S100A16: variants seen among roughly 807,000 people sequenced by gnomAD.
The protein encoded by S100A16 is S100 calcium binding protein A16.
Under a neutral mutation model 9.0 loss-of-function variants are expected in S100A16, and 8 were observed. The ratio of observed to expected loss-of-function variants is 0.89; its 90% CI spans 0.52 to 1.60. The LOEUF is 1.60. Among genes scored for constraint, S100A16 ranks in the 40% most tolerant of loss-of-function variants. The pLI is 0.00. For synonymous variants in S100A16, 51 were observed against 51.4 expected (o/e 0.99, Z 0.04); for missense variants, 138 against 132.4 (o/e 1.04, Z -0.21).
intron 1 of S100A16, chr1:153,608,951 A>G (rs1166757925): frequency 2.0e-6 from 2 of 985,716 alleles, no homozygotes; most frequent in Non-Finnish European, 2.4e-6. Flanking sequence ...GACTCTGGAC[A>G]CAGCAGCAGA....
intron 1 of S100A16, among the ~76,000 whole-genome samples, chr1:153,609,520 T>G (rs1244217663): frequency 6.6e-6 from 1 of 152,200 alleles, no homozygotes; most frequent in East Asian, 1.9e-4. Context: ...CACTAACTGG[T>G]GAGGCCACGG....
At chr1:153,608,225 ACCT>A (rs1666746714) in intron 1 of S100A16, 48 bp from the exon 2 acceptor site, 40 of 1,533,218 alleles carry the variant, frequency 2.6e-5, no homozygotes, top group African/African-American at 4.1e-5. Context: ...CACAGGCCAT[ACCT>A]CCTCCTCCTC....
intron 2 of S100A16, 31 bp from the exon 3 acceptor site, chr1:153,607,723 T>C (rs2101508226): frequency 1.9e-6 from 3 of 1,613,710 alleles, no homozygotes; most frequent in Non-Finnish European, 1.7e-6. Flanking sequence ...GCAATGCTGA[T>C]GGTGGAAGCC....
At chr1:153,607,897 G>C in intron 2 of S100A16, 102 bp downstream of exon 2, 1 of 1,305,282 alleles carries the variant, frequency 7.7e-7, no homozygotes, top group Non-Finnish European at 1.1e-6. Context: ...GGGGACACTG[G>C]AAGGATAGAG....
In S100A16 at chr1:153,608,175, G is replaced by A. The variant is rs888461007; in HGVS notation, c.-24C>T. ...ATCTCCCTGCTTCGCCTGCTGGCGG[G>A]GCCTGGACACCAGGAGGAGGGGAGA... is the stretch of plus-strand genomic sequence containing the variant. On this transcript the variant is annotated splice_region_variant and 5_prime_UTR_variant, in exon 2 of 3. Coordinates refer to ENST00000368706, the MANE Select transcript of S100A16 (RefSeq NM_080388.3). The A allele has an allele frequency of 3.1e-6, 5 of 1,610,794 alleles. No individual in the cohort carries two copies. Among genetic ancestry groups the A allele is most frequent in the Admixed American group, 3.3e-5 (2 of 59,976 alleles).
chr1:153,612,597 C>T (rs1296966899), intron 1 of S100A16, among the ~76,000 whole-genome samples: 1 of 152,120 alleles, frequency 6.6e-6, no homozygotes, highest in African/African-American at 2.4e-5. Context: ...TCTGACCACC[C>T]CCAACCCAGA....
At chr1:153,610,091 T>A (rs1666801053) in intron 1 of S100A16, among the ~76,000 whole-genome samples, 1 of 152,344 alleles carries the variant, frequency 6.6e-6, no homozygotes, top group African/African-American at 2.4e-5. Flanking sequence ...ACAAACACTT[T>A]AACATTTACA....
chr1:153,609,298 T>A (rs994157088), intron 1 of S100A16: 1 of 985,904 alleles, frequency 1.0e-6, no homozygotes, highest in African/African-American at 1.7e-5. Context: ...CACAGCCTCC[T>A]GTCCTGCCAC....
chr1:153,609,701 C>G (rs967969456), intron 1 of S100A16, among the ~76,000 whole-genome samples: 2 of 152,252 alleles, frequency 1.3e-5, no homozygotes, highest in African/African-American at 4.8e-5. Flanking sequence ...CCCACATTGC[C>G]TGGTCCAGTG....
chr1:153,608,813 G>A (rs959751433), intron 1 of S100A16: 33 of 599,688 alleles, frequency 5.5e-5, no homozygotes, highest in Non-Finnish European at 6.3e-5. Flanking sequence ...AACACACCCC[G>A]CCACACCCTG....
chr1:153,607,449 G>T lies in S100A16; in HGVS notation c.*85C>A, dbSNP rs965990248. On this transcript the variant is annotated 3_prime_UTR_variant, in exon 3 of 3. Coordinates refer to ENST00000368706, the MANE Select transcript of S100A16 (RefSeq NM_080388.3). ...GAGAAGAGAGTAAAGGGCCCTGGGTGGGCAGGAGGCTGAGGAGGGAGCCTG... is the reference window on the plus strand; with the variant it reads ...GAGAAGAGAGTAAAGGGCCCTGGGTTGGCAGGAGGCTGAGGAGGGAGCCTG... 534 of 1,517,178 alleles carry T rather than the reference G, an allele frequency of 3.5e-4. 2 individuals are homozygous for T. The highest frequency in any genetic ancestry group is 2.5e-3 in the Middle Eastern group (11 of 4,468). The allele number at this position is 1,517,178 out of a possible 1,614,324, so 94.0% of individuals were successfully genotyped here.
chr1:153,611,951 A>ACC (rs1666845937), intron 1 of S100A16, among the ~76,000 whole-genome samples: 2 of 147,270 alleles, frequency 1.4e-5, no homozygotes, highest in South Asian at 2.2e-4. Flanking sequence ...ACACACACAC[A>ACC]CCGAGCAAGG....
Position 153,611,917 on chromosome 1 carries a change from T to TCTCACACACACA in S100A16, c.-27+1034_-27+1035insTGTGTGTGTGAG, listed in dbSNP as rs745663701. 9.2e-3 allele frequency among the ~76,000 whole-genome samples: 1,302 copies of TCTCACACACACA among 140,882 alleles called. 10 individuals are homozygous for TCTCACACACACA. The highest frequency in any genetic ancestry group is 0.014 in the Non-Finnish European group (893 of 65,296). 92.4% of individuals were successfully genotyped at this position (140,882 alleles called of 152,430 possible). A position where few individuals can be genotyped will look rare whatever the true frequency, so the allele number is the denominator to read the frequency against. ...GCGTCTAACTCTCTTTGTCTCTCTC[T>TCTCACACACACA]CACACACACACACACACACACACAC... On this transcript the variant is annotated intron_variant, in intron 1 of 2. Transcript: ENST00000368706.
intron 1 of S100A16, among the ~76,000 whole-genome samples, chr1:153,609,840 AG>A (rs1423914488): frequency 6.6e-6 from 1 of 152,128 alleles, no homozygotes; most frequent in African/African-American, 2.4e-5. Flanking sequence ...GGGTGGGACC[AG>A]GAGGGAACAG....
intron 1 of S100A16, among the ~76,000 whole-genome samples, chr1:153,612,643 C>T (rs563573782): frequency 6.6e-6 from 1 of 152,034 alleles, no homozygotes; most frequent in South Asian, 2.1e-4. Context: ...TGGGGAGGAT[C>T]GAGTAGCTGT....
chr1:153,607,789 C>A, intron 2 of S100A16, 97 bp from the exon 3 acceptor site: 1 of 1,475,774 alleles, frequency 6.8e-7, no homozygotes. Context: ...GCCTGCACAG[C>A]TGCTTCCCTT....
chr1:153,612,467 T>A (rs1666859241), intron 1 of S100A16, among the ~76,000 whole-genome samples: 1 of 149,702 alleles, frequency 6.7e-6, no homozygotes, highest in Non-Finnish European at 1.5e-5. Flanking sequence ...GGACGCCACC[T>A]CAGCCCCCGC....
rs1159375830 is a variant in S100A16 at position 153,608,191 on chromosome 1, G to T, written c.-26-14C>A. 4.4e-6 allele frequency: 7 copies of T among 1,607,698 alleles called. No individual in the cohort carries two copies. The Admixed American group carries it at 1.2e-4, about 27-fold the overall frequency. On this transcript the variant is annotated splice_polypyrimidine_tract_variant and intron_variant, in intron 1 of 2. Coordinates refer to ENST00000368706, the MANE Select transcript of S100A16 (RefSeq NM_080388.3). ...TGCTGGCGGGGCCTGGACACCAGGA[G>T]GAGGGGAGATGAGAAGAGACACCCA...
In S100A16 at chr1:153,607,876, C is replaced by G. The variant is rs1353770665; in HGVS notation, c.153+123G>C. 2.5e-5 allele frequency: 30 copies of G among 1,217,448 alleles called. No homozygotes were observed. The East Asian group carries it at 7.1e-4, about 29-fold the overall frequency. 75.4% of individuals were successfully genotyped at this position (1,217,448 alleles called of 1,614,324 possible). ...CAGAGGCCTGGGGGTGTAGAAGACC[C>G]TGGAGTTAGCGGGGACACTGGAAGG... On this transcript the variant is annotated intron_variant, in intron 2 of 2. Coordinates refer to ENST00000368706, the MANE Select transcript of S100A16 (RefSeq NM_080388.3).
Sources: allele counts gnomAD v4.1 joint callset (sites outside exome capture counted in the v4.1 genomes callset), GRCh38; gene constraint gnomAD v4.1.1; transcripts MANE v1.5; gene names NCBI Gene and HGNC (gene_info 2026-07-23, HGNC 2026-07-21).